RCAN2: variants seen among roughly 807,000 people sequenced by gnomAD.
RCAN2 encodes the protein regulator of calcineurin 2.
In RCAN2, 9 loss-of-function variants were observed where a neutral mutation model predicts 23.6. The ratio of observed to expected loss-of-function variants is 0.38; its 90% CI spans 0.23 to 0.67. RCAN2 has a LOEUF of 0.67. RCAN2 is among the 30% of genes least tolerant of loss of function. The probability of loss-of-function intolerance (pLI) is 0.51; values close to 1 mark genes in which losing one functional copy is unlikely to be tolerated. For missense variants in RCAN2, 273 were observed against 302.3 expected (o/e 0.90, Z 0.72); for synonymous variants, 109 against 115.7 (o/e 0.94, Z 0.37).
chr6:46,244,467 T>C (rs1042399686), intron 4 of RCAN2, among the ~76,000 whole-genome samples: 2 of 152,096 alleles, frequency 1.3e-5, no homozygotes, highest in Non-Finnish European at 2.9e-5. Context: ...GGTCAGCCAG[T>C]AAGGGTGTCT....
At chr6:46,430,624 A>G (rs532282100) in intron 2 of RCAN2, among the ~76,000 whole-genome samples, 1 of 152,334 alleles carries the variant, frequency 6.6e-6, no homozygotes, top group South Asian at 2.1e-4. Flanking sequence ...TCCCAATTTT[A>G]AGATTTGCCT....
At chr6:46,376,857 C>T (rs73453024) in intron 2 of RCAN2, among the ~76,000 whole-genome samples, 4,839 of 151,958 alleles carry the variant, frequency 0.032, 249 homozygotes, top group African/African-American at 0.11. Flanking sequence ...TTTTCACTTC[C>T]CCCCGCCCCG....
chr6:46,401,993 C>A (rs1766260167), intron 2 of RCAN2, among the ~76,000 whole-genome samples: 1 of 152,130 alleles, frequency 6.6e-6, no homozygotes, highest in Admixed American at 6.5e-5. Context: ...GGCAGGTCAG[C>A]AGGAAAAACA....
rs146140348 is a variant in RCAN2 at position 46,234,588 on chromosome 6, C to A, written c.572-11287G>T. Among the ~76,000 whole-genome samples, 516 of 152,332 alleles carry A rather than the reference C, an allele frequency of 3.4e-3. 4 individuals are homozygous for A. Among genetic ancestry groups the A allele is most frequent in the African/African-American group, 0.012 (507 of 41,580 alleles). On this transcript the variant is annotated intron_variant, in intron 4 of 4. Coordinates refer to ENST00000371374, the MANE Select transcript of RCAN2 (RefSeq NM_001251974.2). ...GGGTTGACCCATCACATGCTCACTC[C>A]TCTGCCAGTATTGAAACTGTCCTCT...
rs546003349 is a variant in RCAN2 at position 46,439,846 on chromosome 6, T to G, written c.225+16906A>C. On this transcript the variant is annotated intron_variant, in intron 2 of 4. Coordinates refer to ENST00000371374, the MANE Select transcript of RCAN2 (RefSeq NM_001251974.2). ...AAGCTGATTATCACTGCCACATTTA[T>G]GACACTGAAGACTCTCATTCCCTGA... Among the ~76,000 whole-genome samples the G allele has an allele frequency of 3.6e-4, 55 of 152,322 alleles. No individual in the cohort carries two copies. In the South Asian group the frequency reaches 0.011, roughly 31 times the overall value.
chr6:46,345,280 A>G (rs1470921449), intron 2 of RCAN2, among the ~76,000 whole-genome samples: 1 of 152,058 alleles, frequency 6.6e-6, no homozygotes, highest in African/African-American at 2.4e-5. Context: ...CTAAAGAGAA[A>G]AGTACAGATC....
At chr6:46,283,609 C>T (rs1017614441) in intron 2 of RCAN2, among the ~76,000 whole-genome samples, 7 of 152,282 alleles carry the variant, frequency 4.6e-5, no homozygotes, top group Admixed American at 3.9e-4. Flanking sequence ...TCTGTGCAGC[C>T]TTGCTCAAGA....
rs150793617 is a variant in RCAN2, at chr6:46,416,956, C to T, written c.225+39796G>A. 3.3e-5 allele frequency among the ~76,000 whole-genome samples: 5 copies of T among 152,326 alleles called. No homozygotes were observed. The East Asian group carries it at 5.8e-4, about 18-fold the overall frequency. On this transcript the variant is annotated intron_variant, in intron 2 of 4. Coordinates refer to ENST00000371374, the MANE Select transcript of RCAN2 (RefSeq NM_001251974.2). ...TTTTTGTCCAAAAAATTCAATCTTA[C>T]AGCATTTACCATTGCATAAATGTGC...
intron 1 of RCAN2, among the ~76,000 whole-genome samples, chr6:46,458,840 A>T (rs1768124881): frequency 1.3e-5 from 2 of 152,244 alleles, no homozygotes; most frequent in African/African-American, 4.8e-5. Flanking sequence ...ATTTAGTAAA[A>T]GCATCATCAA....
chr6:46,447,587 T>C (rs1767752432), intron 2 of RCAN2, among the ~76,000 whole-genome samples: 1 of 151,960 alleles, frequency 6.6e-6, no homozygotes, highest in South Asian at 2.1e-4. Context: ...CTAGGATAGA[T>C]CATATTAGAG....
chr6:46,222,985 C>A lies in RCAN2; in HGVS notation c.*156G>T, dbSNP rs922882891. On this transcript the variant is annotated 3_prime_UTR_variant, in exon 5 of 5. Coordinates refer to ENST00000371374, the MANE Select transcript of RCAN2 (RefSeq NM_001251974.2). ...ATGATATGATCAGGAGACATATCAC[C>A]TTTTCCTAGCCCTTTTGTCCGAGAG... The A allele has an allele frequency of 5.5e-6, 4 of 731,940 alleles. No homozygotes were observed. Among genetic ancestry groups the A allele is most frequent in the Admixed American group, 2.8e-5 (1 of 35,996 alleles). The allele number at this position is 731,940 out of a possible 1,614,324, so 45.3% of individuals were successfully genotyped here.
chr6:46,487,157 C>A (rs1261058245), intron 1 of RCAN2, among the ~76,000 whole-genome samples: 1 of 152,152 alleles, frequency 6.6e-6, no homozygotes, highest in Non-Finnish European at 1.5e-5. Flanking sequence ...TCCAGTATGA[C>A]CAACCTTGGC....
At chr6:46,224,320 C>G (rs1030232184) in intron 4 of RCAN2, among the ~76,000 whole-genome samples, 2 of 152,192 alleles carry the variant, frequency 1.3e-5, no homozygotes, top group African/African-American at 4.8e-5. Context: ...TTTCATGGAT[C>G]AAAAGATAAA....
chr6:46,248,257 A>G (rs943496614), intron 3 of RCAN2, among the ~76,000 whole-genome samples: 2 of 152,260 alleles, frequency 1.3e-5, no homozygotes, highest in African/African-American at 2.4e-5. Flanking sequence ...TCTCATAAAT[A>G]TGAATCATTG....
chr6:46,275,367 A>T (rs1767659233), intron 2 of RCAN2, among the ~76,000 whole-genome samples: 1 of 152,194 alleles, frequency 6.6e-6, no homozygotes, highest in South Asian at 2.1e-4. Flanking sequence ...TCCCTGAGCC[A>T]ATTGCCTTTG....
At chr6:46,388,202 T>C (rs536015727) in intron 2 of RCAN2, among the ~76,000 whole-genome samples, 129 of 152,034 alleles carry the variant, frequency 8.5e-4, no homozygotes, top group African/African-American at 2.9e-3. Context: ...TGTATACATA[T>C]GTAACAAACC....
chr6:46,367,111 AG>A (rs1765199766), intron 2 of RCAN2, among the ~76,000 whole-genome samples: 1 of 144,890 alleles, frequency 6.9e-6, no homozygotes, highest in African/African-American at 2.5e-5. Context: ...GGAACATGCA[AG>A]GGGACTTCTG....
intron 2 of RCAN2, among the ~76,000 whole-genome samples, chr6:46,291,228 A>G (rs1000164412): frequency 2.0e-5 from 3 of 152,178 alleles, no homozygotes; most frequent in Non-Finnish European, 2.9e-5. Context: ...GTCAGGGGGA[A>G]AAAAAGCTGA....
chr6:46,299,556 C>T (rs1222111972), intron 2 of RCAN2, among the ~76,000 whole-genome samples: 1 of 151,988 alleles, frequency 6.6e-6, no homozygotes, highest in Non-Finnish European at 1.5e-5. Flanking sequence ...CACATGAAAA[C>T]TTGAGCTACT....
Sources: gnomAD v4.1 joint callset for allele counts (sites outside exome capture counted in the v4.1 genomes callset) on GRCh38, gnomAD v4.1.1 for gene constraint, MANE v1.5 for transcripts, NCBI Gene and HGNC (gene_info 2026-07-23, HGNC 2026-07-21) for gene names.